The following U2AF2 variants were observed in gnomAD, a reference collection of about 807,000 sequenced individuals.
U2AF2 encodes the protein U2 small nuclear RNA auxiliary factor 2.
A neutral mutation model predicts 52.6 loss-of-function variants in U2AF2; 6 were observed. That is an observed-to-expected ratio of 0.11 (90% CI 0.06 to 0.23). U2AF2 has a LOEUF of 0.23. U2AF2 is among the 10% of genes least tolerant of loss of function. The pLI, the probability that U2AF2 is intolerant of heterozygous loss-of-function variation, is 1.00. For synonymous variants in U2AF2, 284 were observed against 258.2 expected (o/e 1.10, Z -0.96); for missense variants, 222 against 677.1 (o/e 0.33, Z 7.46).
chr19:55,659,525 C>G (rs939496907), intron 2 of U2AF2, among the ~76,000 whole-genome samples, 180 bp downstream of exon 2: 1 of 151,338 alleles, frequency 6.6e-6, no homozygotes, highest in African/African-American at 2.4e-5. Context: ...CGATTTTTTC[C>G]CCCGTTTCTG....
intron 1 of U2AF2, among the ~76,000 whole-genome samples, chr19:55,657,840 G>C (rs553613744): frequency 6.6e-6 from 1 of 152,082 alleles, no homozygotes; most frequent in African/African-American, 2.4e-5. Flanking sequence ...GTTTGACCTT[G>C]GTAATTGTGA....
chr19:55,660,179 A>G lies in U2AF2; in HGVS notation c.188A>G (p.Lys63Arg). 6.2e-7 allele frequency: 1 copy of G among 1,603,878 alleles called. No individual in the cohort carries two copies. The highest frequency in any genetic ancestry group is 8.5e-7 in the Non-Finnish European group (1 of 1,175,278). The change falls in exon 3 of 12, where the codon AAA becomes AGA. Residue 63 changes from lysine (K) to arginine (R), a missense_variant and splice_region_variant. Physicochemically the swap from Lys to Arg is conservative, Grantham distance 26. Coordinates refer to ENST00000308924, the MANE Select transcript of U2AF2 (RefSeq NM_007279.3). ...TACCTTTCCCTCCCACCCCCCAGCA[A>G]ACCTTTGACCAGAGGCGCTAAAGAG... is the stretch of plus-strand genomic sequence containing the variant. The part of the protein sequence containing the change: ...SASRDRRRRS[K>R]PLTRGAKEEH...
chr19:55,656,435 A>C (rs987214495), intron 1 of U2AF2, among the ~76,000 whole-genome samples: 3 of 152,256 alleles, frequency 2.0e-5, no homozygotes, highest in African/African-American at 7.2e-5. Context: ...GGAGTTGAGC[A>C]CATCAGGAAG....
At chr19:55,664,312 C>T (rs866681340) in intron 7 of U2AF2, among the ~76,000 whole-genome samples, 33 of 152,324 alleles carry the variant, frequency 2.2e-4, no homozygotes, top group South Asian at 1.0e-3. Context: ...TGTCTGCGTG[C>T]GTGGGCCTGG....
At chr19:55,659,665 G>A (rs1186237285) in intron 2 of U2AF2, among the ~76,000 whole-genome samples, 1 of 151,884 alleles carries the variant, frequency 6.6e-6, no homozygotes, top group Non-Finnish European at 1.5e-5. Flanking sequence ...CTGACTCTGA[G>A]GGCCTGTTCC....
intron 3 of U2AF2, 144 bp from the exon 4 acceptor site, chr19:55,660,372 G>A: frequency 2.7e-6 from 3 of 1,100,784 alleles, no homozygotes; most frequent in Non-Finnish European, 4.0e-6. Flanking sequence ...CCCAGGCCCT[G>A]CCCCAGACCC....
rs1218927097 is a variant in U2AF2, at chr19:55,674,170, C to CCGCAGACA, written c.*104_*111dup. On this transcript the variant is annotated 3_prime_UTR_variant, in exon 12 of 12. Transcript: ENST00000308924. ...AAGACGATGGGCAGAGGAGTGACAG[C>CCGCAGACA]CGCAGACACACGACAGCCGGCAGCA... 1.7e-6 allele frequency: 2 copies of CCGCAGACA among 1,181,046 alleles called. No homozygotes were observed. The highest frequency in any genetic ancestry group is 3.3e-5 in the African/African-American group (2 of 60,848). The allele number at this position is 1,181,046 out of a possible 1,614,324, so 73.2% of individuals were successfully genotyped here. A position where few individuals can be genotyped will look rare whatever the true frequency, so the allele number is the denominator to read the frequency against.
In U2AF2 at chr19:55,659,290, C is replaced by T. The variant is rs1194324167; in HGVS notation, c.130C>T (p.Arg44Cys). 6.3e-7 allele frequency: 1 copy of T among 1,598,264 alleles called. No homozygotes were observed. Among genetic ancestry groups the T allele is most frequent in the Non-Finnish European group, 8.5e-7 (1 of 1,171,718 alleles). ...GGACCGCAAACGCCGGAGCCGGAGC[C>T]GCGACCGGCGCAACCGGGACCAGCG... is the stretch of plus-strand genomic sequence containing the variant. ...SRDRKRRSRS[R>C]DRRNRDQRSA... Residue 44 changes from arginine to cysteine, a missense_variant, in exon 2 of 12, where the codon CGC (arginine) becomes TGC (cysteine). Arg to Cys is a radical substitution (Grantham distance 180). This residue lies in a region of U2AF2 where 100 missense variants were observed against 144.1 expected (regional missense o/e 0.69). Transcript: ENST00000308924.
At chr19:55,669,267 G>C in intron 10 of U2AF2, 86 bp downstream of exon 10, 1 of 1,563,502 alleles carries the variant, frequency 6.4e-7, no homozygotes, top group East Asian at 2.3e-5. Context: ...CTTTCTCCCA[G>C]CTTTCATGGG....
chr19:55,661,093 G>A lies in U2AF2; in HGVS notation c.390G>A (p.Leu130=). The A allele has an allele frequency of 1.2e-6, 2 of 1,612,350 alleles. No homozygotes were observed. The highest frequency in any genetic ancestry group is 1.7e-6 in the Non-Finnish European group (2 of 1,178,720). ...TCCCCACCATGACCCCTGACGGTCTGGCTGTGACCCCAACGCCGGTGCCCG... is the reference window on the plus strand; with the variant it reads ...TCCCCACCATGACCCCTGACGGTCTAGCTGTGACCCCAACGCCGGTGCCCG... ...ALLPTMTPDG[L]AVTPTPVPVV... Residue 130 remains leucine, a synonymous_variant, in exon 5 of 12, where the codon CTG becomes CTA. Transcript: ENST00000308924.
At chr19:55,657,114 G>A (rs1174170167) in intron 1 of U2AF2, among the ~76,000 whole-genome samples, 1 of 152,254 alleles carries the variant, frequency 6.6e-6, no homozygotes, top group East Asian at 1.9e-4. Flanking sequence ...GGAGCTGATT[G>A]GGCGGTTCTT....
At chr19:55,659,715 C>A (rs774760219) in intron 2 of U2AF2, among the ~76,000 whole-genome samples, 1 of 151,986 alleles carries the variant, frequency 6.6e-6, no homozygotes. Flanking sequence ...GGACTCTCTT[C>A]GAGGGGGTTG....
intron 10 of U2AF2, 84 bp from the exon 11 acceptor site, chr19:55,669,360 G>T: frequency 6.5e-7 from 1 of 1,544,178 alleles, no homozygotes. Context: ...TTCCCCTGGG[G>T]GGGCATGTGA....
chr19:55,669,053 A>AC (rs779624956), intron 9 of U2AF2, 30 bp from the exon 10 acceptor site: 7 of 1,534,608 alleles, frequency 4.6e-6, no homozygotes, highest in Admixed American at 1.7e-5. Context: ...CTCTCCCCGC[A>AC]CCCCCCGACC....
At chr19:55,663,877 T>C (rs1984375799) in intron 7 of U2AF2, 133 bp downstream of exon 7, 1 of 1,377,306 alleles carries the variant, frequency 7.3e-7, no homozygotes, top group African/African-American at 1.4e-5. Context: ...TTTTCCCTGC[T>C]TCCCCTAAGT....
At chr19:55,666,990 G>A (rs1454927936) in intron 7 of U2AF2, among the ~76,000 whole-genome samples, 1 of 152,208 alleles carries the variant, frequency 6.6e-6, no homozygotes, top group East Asian at 1.9e-4. Context: ...GAGGTTGAAA[G>A]TCTTACAGGA....
At chr19:55,665,188 A>G (rs528029716) in intron 7 of U2AF2, among the ~76,000 whole-genome samples, 72 of 152,282 alleles carry the variant, frequency 4.7e-4, no homozygotes, top group South Asian at 3.1e-3. Context: ...CTGCGTTTTC[A>G]TTCATTTTAA....
chr19:55,659,270 G>A lies in U2AF2; in HGVS notation c.110G>A (p.Arg37His), dbSNP rs772023026. 100 of 1,602,224 alleles carry A rather than the reference G, an allele frequency of 6.2e-5. No individual in the cohort carries two copies. The highest frequency in any genetic ancestry group is 1.7e-4 in the Middle Eastern group (1 of 6,030). ...CACAGCCGCTCTCGGAGCCGGGACC[G>A]CAAACGCCGGAGCCGGAGCCGCGAC... ...RSHSRSRSRD[R>H]KRRSRSRDRR... Residue 37 changes from arginine (R) to histidine (H), a missense_variant, in exon 2 of 12, where the codon CGC becomes CAC. Physicochemically the swap from Arg to His is conservative, Grantham distance 29. Around this residue, in one of 4 missense-constraint regions of U2AF2, gnomAD observed 100 missense variants for 144.1 expected, o/e 0.69. Transcript: ENST00000308924.
intron 7 of U2AF2, among the ~76,000 whole-genome samples, chr19:55,667,934 C>T (rs1472906328): frequency 2.6e-5 from 4 of 152,166 alleles, no homozygotes; most frequent in African/African-American, 7.2e-5. Context: ...TACAGGTGCA[C>T]GCTACCACAG....
Sources: allele counts gnomAD v4.1 joint callset (sites outside exome capture counted in the v4.1 genomes callset), GRCh38; gene constraint gnomAD v4.1.1; regional missense constraint gnomAD v4.1.1; transcripts MANE v1.5; gene names NCBI Gene and HGNC (gene_info 2026-07-23, HGNC 2026-07-21).